The following RBFOX1 variants were observed in gnomAD, a reference collection of about 807,000 sequenced individuals.
The protein encoded by RBFOX1 is RNA binding fox-1 homolog 1.
In RBFOX1, 8 loss-of-function variants were observed where a neutral mutation model predicts 57.7. The observed-to-expected ratio is 0.14, with a 90% CI of 0.08 to 0.25. RBFOX1 has a LOEUF of 0.25. Ranked by LOEUF, RBFOX1 falls within the 10% of genes least tolerant of loss-of-function variation. The pLI is 1.00. For missense variants in RBFOX1, 611 were observed against 548.5 expected (o/e 1.11, Z -1.14); for synonymous variants, 326 against 222.4 (o/e 1.47, Z -4.15).
At chr16:5,484,181 A>C (rs2069646075) in intron 2 of RBFOX1, among the ~76,000 whole-genome samples, 1 of 152,146 alleles carries the variant, frequency 6.6e-6, no homozygotes, top group Non-Finnish European at 1.5e-5. Flanking sequence ...AAAAATAAAA[A>C]CGAAAACAAA....
Position 6,160,062 on chromosome 16 carries a change from T to C in RBFOX1, c.-127+140070T>C, listed in dbSNP as rs149014613. ...CTTCAGTGAAGATGCTTATGCCTTA[T>C]TGAGGCATTTACTGATACAAAAAAA... On this transcript the variant is annotated intron_variant, in intron 1 of 15. Coordinates refer to ENST00000550418, the MANE Select transcript of RBFOX1 (RefSeq NM_018723.4). Among the ~76,000 whole-genome samples, 29 of 152,280 alleles carry C rather than the reference T, an allele frequency of 1.9e-4. No individual in the cohort carries two copies. In the East Asian group the frequency reaches 5.4e-3, roughly 28 times the overall value.
chr16:6,707,292 G>C (rs2062919761), intron 3 of RBFOX1, among the ~76,000 whole-genome samples: 1 of 152,120 alleles, frequency 6.6e-6, no homozygotes, highest in Admixed American at 6.6e-5. Context: ...TGAAAGTGAG[G>C]CTGAGACAGA....
chr16:5,768,711 G>T (rs76906798), intron 3 of RBFOX1, among the ~76,000 whole-genome samples: 2 of 152,084 alleles, frequency 1.3e-5, no homozygotes, highest in African/African-American at 4.8e-5. Flanking sequence ...CCCAGCCCAC[G>T]TAGGTGCTGT....
At chr16:7,596,308 G>T (rs770156044) in intron 8 of RBFOX1, among the ~76,000 whole-genome samples, 1 of 151,568 alleles carries the variant, frequency 6.6e-6, no homozygotes, top group Non-Finnish European at 1.5e-5. Flanking sequence ...GACATTCAGA[G>T]TCTGCTATTT....
At chr16:5,577,077 G>T (rs977925764) in intron 2 of RBFOX1, among the ~76,000 whole-genome samples, 2 of 152,158 alleles carry the variant, frequency 1.3e-5, no homozygotes, top group African/African-American at 4.8e-5. Flanking sequence ...TCTAATGCAG[G>T]ATACTGTCAG....
At chr16:5,674,806 G>C (rs2050116531) in intron 3 of RBFOX1, among the ~76,000 whole-genome samples, 1 of 152,164 alleles carries the variant, frequency 6.6e-6, no homozygotes, top group Middle Eastern at 3.2e-3. Context: ...GACAGATTCA[G>C]ATATATAATG....
intron 3 of RBFOX1, among the ~76,000 whole-genome samples, chr16:6,714,824 G>C (rs939271685): frequency 1.3e-5 from 2 of 152,110 alleles, no homozygotes; most frequent in African/African-American, 4.8e-5. Context: ...AACCACCTGT[G>C]CTACATCCAT....
intron 1 of RBFOX1, among the ~76,000 whole-genome samples, chr16:6,192,137 C>A (rs1340805695): frequency 1.3e-5 from 2 of 152,120 alleles, no homozygotes; most frequent in African/African-American, 2.4e-5. Flanking sequence ...ACTATTAATT[C>A]TGTTTCCTTC....
chr16:6,376,176 T>C (rs2091150503), intron 2 of RBFOX1, among the ~76,000 whole-genome samples: 1 of 152,210 alleles, frequency 6.6e-6, no homozygotes, highest in Non-Finnish European at 1.5e-5. Context: ...TTGACTGTTC[T>C]CTCTTTCCCC....
At chr16:6,855,102 A>G (rs1244093934) in intron 3 of RBFOX1, among the ~76,000 whole-genome samples, 3 of 152,040 alleles carry the variant, frequency 2.0e-5, no homozygotes, top group African/African-American at 7.2e-5. Context: ...GAAGGATGCT[A>G]TGTAGGGAGT....
intron 4 of RBFOX1, among the ~76,000 whole-genome samples, chr16:7,238,586 G>A (rs559576309): frequency 3.9e-4 from 60 of 152,196 alleles, no homozygotes; most frequent in African/African-American, 1.3e-3. Context: ...TCTTGTGTAC[G>A]TTCCAAATTC....
intron 4 of RBFOX1, among the ~76,000 whole-genome samples, chr16:7,183,237 G>T (rs1659006045): frequency 6.6e-6 from 1 of 152,106 alleles, no homozygotes; most frequent in Admixed American, 6.5e-5. Flanking sequence ...TTGATTTGGG[G>T]AGAAAAAGAA....
chr16:6,673,217 C>A (rs1189866303), intron 3 of RBFOX1, among the ~76,000 whole-genome samples: 1 of 152,160 alleles, frequency 6.6e-6, no homozygotes, highest in African/African-American at 2.4e-5. Flanking sequence ...TTCATCCCAT[C>A]TGTGTCTTCT....
At chr16:5,923,431 G>A (rs2058871183) in intron 4 of RBFOX1, among the ~76,000 whole-genome samples, 1 of 151,808 alleles carries the variant, frequency 6.6e-6, no homozygotes, top group Non-Finnish European at 1.5e-5. Flanking sequence ...CTCCAGCAAG[G>A]ACAGGGGCAC....
intron 4 of RBFOX1, among the ~76,000 whole-genome samples, chr16:7,421,674 T>C (rs1240432553): frequency 2.0e-5 from 3 of 152,254 alleles, no homozygotes; most frequent in African/African-American, 7.2e-5. Context: ...CTGTCCCATT[T>C]CCACTGGCCT....
intron 3 of RBFOX1, among the ~76,000 whole-genome samples, chr16:6,741,171 A>AAAT (rs1603485145): frequency 6.6e-6 from 1 of 152,192 alleles, no homozygotes. Flanking sequence ...TTTATAGGCA[A>AAAT]AATAATAATA....
chr16:5,457,548 T>C (rs1454097871), intron 1 of RBFOX1, among the ~76,000 whole-genome samples: 1 of 152,198 alleles, frequency 6.6e-6, no homozygotes, highest in Non-Finnish European at 1.5e-5. Context: ...GGATTAGGGC[T>C]CCATCTGAGG....
rs955652567 is a variant in RBFOX1 at position 5,335,145 on chromosome 16, C to G, written c.219+95040C>G. On this transcript the variant is annotated intron_variant, in intron 1 of 2. Transcript: ENST00000585867. ...ACTGAATATTATAAATTTCTTATCT[C>G]TTTGGCTGTTTTTCTTCCGAATTGC... Among the ~76,000 whole-genome samples the G allele has an allele frequency of 2.0e-5, 3 of 152,248 alleles. No homozygotes were observed. The East Asian group carries it at 5.8e-4, about 29-fold the overall frequency.
chr16:6,826,509 G>A lies in RBFOX1; in HGVS notation c.-16+171859G>A, dbSNP rs375222417. ...GAACAGTGCCTGGTATACAATAAGC[G>A]TTCCATAAGTGGCAGTGTGGGCACA... On this transcript the variant is annotated intron_variant, in intron 3 of 15. Coordinates refer to ENST00000550418, the MANE Select transcript of RBFOX1 (RefSeq NM_018723.4). Among the ~76,000 whole-genome samples, 21 of 152,264 alleles carry A rather than the reference G, an allele frequency of 1.4e-4. No individual in the cohort carries two copies. In the East Asian group the frequency reaches 1.5e-3, roughly 11 times the overall value.
Sources: gnomAD v4.1 joint callset for allele counts (sites outside exome capture counted in the v4.1 genomes callset) on GRCh38, gnomAD v4.1.1 for gene constraint, MANE v1.5 for transcripts, NCBI Gene and HGNC (gene_info 2026-07-23, HGNC 2026-07-21) for gene names.